The following KRT76 variants were observed in gnomAD, a reference collection of about 807,000 sequenced individuals.
KRT76 encodes the protein keratin, type II cytoskeletal 2 oral.
Under a neutral mutation model 44.9 loss-of-function variants are expected in KRT76, and 47 were observed. The ratio of observed to expected loss-of-function variants is 1.05; its 90% CI spans 0.83 to 1.33. The LOEUF is 1.33. Among genes scored for constraint, KRT76 ranks in the 40% most tolerant of loss-of-function variants. KRT76 has a pLI of 0.00. For synonymous variants in KRT76, 331 were observed against 294.1 expected (o/e 1.13, Z -1.28); for missense variants, 860 against 775.8 (o/e 1.11, Z -1.29).
Position 52,775,513 on chromosome 12 carries a change from C to T in KRT76, c.690G>A (p.Leu230=). 6.2e-7 allele frequency: 1 copy of T among 1,614,190 alleles called. No individual in the cohort carries two copies. Among genetic ancestry groups the T allele is most frequent in the Non-Finnish European group, 8.5e-7 (1 of 1,180,042 alleles). ...QQTTGSGPSS[L]EPCFESYISF... ...TGATGTAGGATTCAAAACAAGGCTC[C>T]AGGCTGCTGGGCCCTGAGCCTGTGG... The change falls in exon 2 of 9, where the codon CTG becomes CTA. Residue 230 remains leucine, a synonymous_variant. Transcript: ENST00000332411.
Position 52,777,081 on chromosome 12 carries a change from C to G in KRT76, c.211G>C (p.Val71Leu), listed in dbSNP as rs371597584. 6.2e-7 allele frequency: 1 copy of G among 1,614,256 alleles called. No individual in the cohort carries two copies. The highest frequency in any genetic ancestry group is 8.5e-7 in the Non-Finnish European group (1 of 1,180,056). The stretch of plus-strand genomic sequence containing the variant: ...CCAGCCCGGGAGCTGCCAGCTGCCA[C>G]GCTGATGGAGATGCTCTTGTTGCTG... ...LGSNKSISIS[V>L]AAGSSRAGGF... The change falls in exon 1 of 9, where the codon GTG (valine) becomes CTG (leucine). Residue 71 changes from valine (V) to leucine (L), a missense_variant. Coordinates refer to ENST00000332411, the MANE Select transcript of KRT76 (RefSeq NM_015848.4).
rs1410508473 is a variant in KRT76 at position 52,773,621 on chromosome 12, T to C, written c.837A>G (p.Lys279=). Residue 279 remains lysine (K), a synonymous_variant, in exon 3 of 9, where the codon AAA becomes AAG. Transcript: ENST00000332411. ...CAAACTCATTCTCTGCGGCAGTGCGTTTGTTGATTTCATCTTCATACCTGG... is the reference window on the plus strand; with the variant it reads ...CAAACTCATTCTCTGCGGCAGTGCGCTTGTTGATTTCATCTTCATACCTGG... The part of the protein sequence containing the change: ...FKKKYEDEIN[K]RTAAENEFVG... 2 of 1,613,236 alleles carry C rather than the reference T, an allele frequency of 1.2e-6. No homozygotes were observed. The highest frequency in any genetic ancestry group is 1.1e-5 in the South Asian group (1 of 90,978).
chr12:52,771,045 C>T lies in KRT76; in HGVS notation c.1438G>A (p.Val480Met), dbSNP rs369774490. Residue 480 changes from valine to methionine, a missense_variant, in exon 7 of 9, where the codon GTG (valine) becomes ATG (methionine). By Grantham distance (21) the Val-to-Met change is conservative. Transcript: ENST00000332411. ...ELMNVKLALD[V>M]EIATYRKLLE... Reference sequence around the variant, plus strand: ...AGCTTGCGGTAGGTGGCAATCTCCACATCCAGGGCCAGCTTGACGTTCATC... The same window carrying T: ...AGCTTGCGGTAGGTGGCAATCTCCATATCCAGGGCCAGCTTGACGTTCATC... 6.2e-6 allele frequency: 10 copies of T among 1,614,170 alleles called. No homozygotes were observed. In the South Asian group the frequency reaches 6.6e-5, roughly 11 times the overall value.
In KRT76 at chr12:52,771,900, G is replaced by A. The variant is rs147080851; in HGVS notation, c.1234C>T (p.Arg412Trp). ...MELNRMIQRL[R>W]AEIENVKKQN... ...TTCTTGACATTTTCAATCTCAGCCC[G>A]TAGCCTCTGGATCATCCTGTTGAGC... is the stretch of plus-strand genomic sequence containing the variant. The change falls in exon 6 of 9, where the codon CGG becomes TGG. Residue 412 changes from arginine (R) to tryptophan (W), a missense_variant. Arg to Trp is a moderately radical substitution (Grantham distance 101). Coordinates refer to ENST00000332411, the MANE Select transcript of KRT76 (RefSeq NM_015848.4). 3.0e-3 allele frequency: 4,913 copies of A among 1,613,858 alleles called. 18 individuals are homozygous for A. The highest frequency in any genetic ancestry group is 3.5e-3 in the Non-Finnish European group (4,094 of 1,179,858).
rs781194470 is a variant in KRT76 at position 52,776,790 on chromosome 12, G to A, written c.502C>T (p.Leu168Phe). The A allele has an allele frequency of 5.6e-6, 9 of 1,614,128 alleles. No homozygotes were observed. The highest frequency in any genetic ancestry group is 6.8e-6 in the Non-Finnish European group (8 of 1,180,026). ...ATCTGGGGGTCGATCTCCACATTGA[G>A]GGGCTGCAGGAGACTCTGGTTTACA... ...VIVNQSLLQPLNVEIDPQIGQ... is the reference protein window; with the variant it reads ...VIVNQSLLQPFNVEIDPQIGQ... The change falls in exon 1 of 9, where the codon CTC becomes TTC. Residue 168 changes from leucine (L) to phenylalanine (F), a missense_variant. Leu to Phe is a conservative substitution (Grantham distance 22, BLOSUM62 0). Coordinates refer to ENST00000332411, the MANE Select transcript of KRT76 (RefSeq NM_015848.4).
At chr12:52,771,686 G>A (rs940951900) in intron 6 of KRT76, among the ~76,000 whole-genome samples, 185 bp downstream of exon 6, 2 of 152,332 alleles carry the variant, frequency 1.3e-5, no homozygotes, top group South Asian at 2.1e-4. Flanking sequence ...TCTTGAGTGA[G>A]CTTTCCAAGA....
intron 7 of KRT76, 32 bp from the exon 8 acceptor site, chr12:52,769,615 T>A (rs760390135): frequency 6.2e-7 from 1 of 1,602,220 alleles, no homozygotes; most frequent in Non-Finnish European, 8.6e-7. Flanking sequence ...GAATTCTTTC[T>A]GTTATGAGTC....
In KRT76 at chr12:52,772,236, T is replaced by C; in HGVS notation, c.995A>G (p.His332Arg). The C allele has an allele frequency of 1.2e-6, 2 of 1,605,412 alleles. No individual in the cohort carries two copies. The highest frequency in any genetic ancestry group is 1.7e-6 in the Non-Finnish European group (2 of 1,175,648). Residue 332 changes from histidine (H) to arginine (R), a missense_variant, in exon 5 of 9, where the codon CAT becomes CGT. Physicochemically the swap from His to Arg is conservative, Grantham distance 29. Coordinates refer to ENST00000332411, the MANE Select transcript of KRT76 (RefSeq NM_015848.4). ...CAGAACCACAGACGTGTCACTGGCATGGCTTTGCATCTGGGACAGCTCCTG... is the reference window on the plus strand; with the variant it reads ...CAGAACCACAGACGTGTCACTGGCACGGCTTTGCATCTGGGACAGCTCCTG... ...YEMELSQMQSHASDTSVVLSM... is the reference protein window; with the variant it reads ...YEMELSQMQSRASDTSVVLSM...
At chr12:52,773,718 C>T in intron 2 of KRT76, 76 bp from the exon 3 acceptor site, 1 of 1,244,436 alleles carries the variant, frequency 8.0e-7, no homozygotes, top group Non-Finnish European at 1.2e-6. Flanking sequence ...TCCAGGCACT[C>T]TCCTCACCTG....
rs765799255 is a variant in KRT76 at position 52,772,270 on chromosome 12, A to G, written c.973-12T>C. Reference sequence around the variant, plus strand: ...ATCTGGGACAGCTCCTGCAGGAAACATGGATAGTTACTCTTACCATCGCCT... The same window carrying G: ...ATCTGGGACAGCTCCTGCAGGAAACGTGGATAGTTACTCTTACCATCGCCT... On this transcript the variant is annotated splice_polypyrimidine_tract_variant and intron_variant, in intron 4 of 8. Transcript: ENST00000332411. The G allele has an allele frequency of 6.9e-6, 11 of 1,584,632 alleles. No homozygotes were observed. The highest frequency in any genetic ancestry group is 1.3e-5 in the African/African-American group (1 of 74,310).
At chr12:52,770,225 T>C (rs1939158363) in intron 7 of KRT76, among the ~76,000 whole-genome samples, 3 of 152,198 alleles carry the variant, frequency 2.0e-5, no homozygotes, top group African/African-American at 7.2e-5. Flanking sequence ...CCATGACTCC[T>C]AGTACACTTG....
At chr12:52,774,448 T>G (rs2121195580) in intron 2 of KRT76, among the ~76,000 whole-genome samples, 1 of 152,354 alleles carries the variant, frequency 6.6e-6, no homozygotes, top group South Asian at 2.1e-4. Context: ...TTATAGGAAT[T>G]TCAGTTAAGA....
Position 52,769,023 on chromosome 12 carries a change from C to A in KRT76, c.1607G>T (p.Gly536Val). The A allele has an allele frequency of 1.2e-6, 1 of 801,400 alleles. No homozygotes were observed. Among genetic ancestry groups the A allele is most frequent in the Non-Finnish European group, 2.2e-6 (1 of 461,056 alleles). 49.6% of individuals were successfully genotyped at this position (801,400 alleles called of 1,614,324 possible). A position where few individuals can be genotyped will look rare whatever the true frequency, so the allele number is the denominator to read the frequency against. The part of the protein sequence containing the change: ...FGGVSGSGSG[G>V]YKGGSSSSSS... The stretch of plus-strand genomic sequence containing the variant: ...GCTGCTGCTGCTGCCGCCTTTGTAG[C>A]CACCACTGCCACTGCCACTGACCCC... The change falls in exon 9 of 9, where the codon GGC (glycine) becomes GTC (valine). Residue 536 changes from glycine to valine, a missense_variant. Coordinates refer to ENST00000332411, the MANE Select transcript of KRT76 (RefSeq NM_015848.4).
rs12296490 is a variant in KRT76 at position 52,772,078 on chromosome 12, C to T, written c.1137+16G>A. 219,961 of 1,605,978 alleles carry T rather than the reference C, an allele frequency of 0.14. 17,715 individuals carry two copies. Among genetic ancestry groups the T allele is most frequent in the African/African-American group, 0.31 (23,047 of 74,850 alleles). On this transcript the variant is annotated intron_variant, in intron 5 of 8. Coordinates refer to ENST00000332411, the MANE Select transcript of KRT76 (RefSeq NM_015848.4). Reference sequence around the variant, plus strand: ...TGAAGGTCATCAGGATCCAAGGACACAGGGAGGGTTCCCACCTTGGTCTGG... The same window carrying T: ...TGAAGGTCATCAGGATCCAAGGACATAGGGAGGGTTCCCACCTTGGTCTGG...
chr12:52,768,557 T>C lies in KRT76; in HGVS notation c.*156A>G. 1.2e-6 allele frequency: 1 copy of C among 836,628 alleles called. No individual in the cohort carries two copies. The highest frequency in any genetic ancestry group is 1.9e-6 in the Non-Finnish European group (1 of 533,988). The allele number at this position is 836,628 out of a possible 1,614,324, so 51.8% of individuals were successfully genotyped here. ...GACCTCCATGGCCCTGGGAAGGTCA[T>C]GGGGATGGAGAAACCAGGAGTTCAG... On this transcript the variant is annotated 3_prime_UTR_variant, in exon 9 of 9. Transcript: ENST00000332411.
chr12:52,771,377 T>C (rs1381372453), intron 6 of KRT76, among the ~76,000 whole-genome samples, 158 bp from the exon 7 acceptor site: 6 of 152,182 alleles, frequency 3.9e-5, no homozygotes. Flanking sequence ...TGCAGTTGGT[T>C]AATTCATCTT....
rs777289563 is a variant in KRT76, at chr12:52,768,780, C to T, written c.1850G>A (p.Gly617Asp). The stretch of plus-strand genomic sequence containing the variant: ...GAAGCGGATACTGGTGCTGCCTCCA[C>T]CACCAGACTTGTAGCCACTTCCTCC... Reference protein sequence around the residue: ...TSGGSGYKSGGGGSTSIRFSQ... With the variant: ...TSGGSGYKSGDGGSTSIRFSQ... Residue 617 changes from glycine to aspartate, a missense_variant, in exon 9 of 9, where the codon GGT (glycine) becomes GAT (aspartate). Gly to Asp is a moderately conservative substitution (Grantham distance 94). Transcript: ENST00000332411. 1.1e-5 allele frequency: 18 copies of T among 1,613,090 alleles called. No homozygotes were observed. The highest frequency in any genetic ancestry group is 1.4e-5 in the Non-Finnish European group (17 of 1,179,152).
chr12:52,772,022 T>C (rs751895556), intron 5 of KRT76, 26 bp from the exon 6 acceptor site: 12 of 1,611,716 alleles, frequency 7.4e-6, no homozygotes, highest in Non-Finnish European at 1.0e-5. Context: ...CCAATCAACG[T>C]GGCTTTTGCA....
Position 52,773,122 on chromosome 12 carries a change from T to A in KRT76, c.877-244A>T, listed in dbSNP as rs571638940. ...TAAGGCACAGAGTAACCATCTGATTTTAGGGTAGAAAAATCATATTTACCT... is the reference window on the plus strand; with the variant it reads ...TAAGGCACAGAGTAACCATCTGATTATAGGGTAGAAAAATCATATTTACCT... On this transcript the variant is annotated intron_variant, in intron 3 of 8. Transcript: ENST00000332411. 6.6e-5 allele frequency among the ~76,000 whole-genome samples: 10 copies of A among 152,332 alleles called. No individual in the cohort carries two copies. The South Asian group carries it at 2.1e-3, about 32-fold the overall frequency.
Sources: allele counts gnomAD v4.1 joint callset (sites outside exome capture counted in the v4.1 genomes callset), GRCh38; gene constraint gnomAD v4.1.1; transcripts MANE v1.5; gene names NCBI Gene and HGNC (gene_info 2026-07-23, HGNC 2026-07-21).